Variants in DNAI4 observed in about 807,000 individuals in gnomAD.
The protein encoded by DNAI4 is WD repeat domain 78.
In DNAI4, 85 loss-of-function variants were observed where a neutral mutation model predicts 105.8. The observed-to-expected ratio is 0.80, with a 90% CI of 0.67 to 0.96. DNAI4 has a LOEUF of 0.96. Among genes scored for constraint, DNAI4 ranks in the 40% least tolerant of loss-of-function variants. The pLI is 0.00. For missense variants in DNAI4, 1,014 were observed against 1,005.6 expected, an observed-to-expected ratio of 1.01 and a Z score of -0.11; for synonymous variants, 352 against 331.5, an observed-to-expected ratio of 1.06 and a Z score of -0.67.
At chr1:66,885,808 T>TAATTTG (rs1189629305) in intron 4 of DNAI4, among the ~76,000 whole-genome samples, 1 of 152,224 alleles carries the variant, frequency 6.6e-6, no homozygotes, top group Non-Finnish European at 1.5e-5. Flanking sequence ...TTGTTGTCTG[T>TAATTTG]AATTTGAATA....
chr1:66,860,505 A>AT (rs1198903921), intron 7 of DNAI4, among the ~76,000 whole-genome samples: 3 of 151,320 alleles, frequency 2.0e-5, no homozygotes, highest in African/African-American at 7.3e-5. Context: ...ATTTTTTTCT[A>AT]TTTTTTAACT....
chr1:66,867,386 T>C (rs72671676), intron 6 of DNAI4, among the ~76,000 whole-genome samples: 2,142 of 152,330 alleles, frequency 0.014, 21 homozygotes, highest in Non-Finnish European at 0.021. Flanking sequence ...CTCCATTTTC[T>C]ATTTTAGGAA....
At chr1:66,839,958 C>A (rs1646113458) in intron 9 of DNAI4, among the ~76,000 whole-genome samples, 1 of 152,132 alleles carries the variant, frequency 6.6e-6, no homozygotes, top group African/African-American at 2.4e-5. Context: ...GGTTAAAACA[C>A]AATAGTGCCT....
intron 15 of DNAI4, among the ~76,000 whole-genome samples, chr1:66,826,486 T>C (rs1645756691): frequency 6.6e-6 from 1 of 152,074 alleles, no homozygotes; most frequent in Admixed American, 6.6e-5. Context: ...TTGGTAGAGA[T>C]GGGGTTTTGC....
intron 7 of DNAI4, among the ~76,000 whole-genome samples, chr1:66,854,882 C>T (rs1646468366): frequency 6.6e-6 from 1 of 152,142 alleles, no homozygotes; most frequent in Admixed American, 6.6e-5. Context: ...AATGGAGAGA[C>T]ATTCCATGTT....
chr1:66,826,031 T>A (rs1645745505), intron 15 of DNAI4, among the ~76,000 whole-genome samples: 1 of 152,226 alleles, frequency 6.6e-6, no homozygotes, highest in Non-Finnish European at 1.5e-5. Context: ...GACAATCCTC[T>A]AATAACTTTG....
chr1:66,901,093 A>AT (rs552247392), intron 2 of DNAI4, among the ~76,000 whole-genome samples: 59 of 152,224 alleles, frequency 3.9e-4, no homozygotes, highest in African/African-American at 1.4e-3. Context: ...AAGATGCTGG[A>AT]TTTTTTAAGA....
intron 2 of DNAI4, among the ~76,000 whole-genome samples, chr1:66,900,631 T>C (rs1648736540): frequency 6.6e-6 from 1 of 152,216 alleles, no homozygotes; most frequent in Non-Finnish European, 1.5e-5. Context: ...TTTTATTACA[T>C]TTATTCCTAA....
At chr1:66,920,242 C>T (rs184297563) in intron 1 of DNAI4, among the ~76,000 whole-genome samples, 72 of 152,232 alleles carry the variant, frequency 4.7e-4, no homozygotes, top group African/African-American at 1.3e-3. Flanking sequence ...TGGCTGGGGA[C>T]GGCTGAACTT....
At chr1:66,848,449 A>G (rs1022875440) in intron 7 of DNAI4, 1 of 356,128 alleles carries the variant, frequency 2.8e-6, no homozygotes, top group African/African-American at 2.2e-5. Context: ...TAGGTAACAC[A>G]TTCACAGGTT....
At chr1:66,845,009 C>T (rs898933704) in intron 8 of DNAI4, among the ~76,000 whole-genome samples, 1 of 151,714 alleles carries the variant, frequency 6.6e-6, no homozygotes, top group Admixed American at 6.6e-5. Context: ...GCCTGACCAA[C>T]ACGGTGAAAC....
intron 2 of DNAI4, among the ~76,000 whole-genome samples, chr1:66,896,418 CTT>C (rs906440379): frequency 6.6e-6 from 1 of 152,090 alleles, no homozygotes; most frequent in African/African-American, 2.4e-5. Context: ...ATTTTGGAAT[CTT>C]TTTACACTTC....
At chr1:66,900,609 A>AT (rs1163958196) in intron 2 of DNAI4, among the ~76,000 whole-genome samples, 7 of 152,056 alleles carry the variant, frequency 4.6e-5, no homozygotes, top group African/African-American at 1.7e-4. Context: ...CAGAGCATAC[A>AT]TTTTGCACTT....
chr1:66,905,060 A>G (rs1014686769), intron 2 of DNAI4, 141 bp downstream of exon 2: 15 of 614,080 alleles, frequency 2.4e-5, no homozygotes, highest in Admixed American at 3.5e-5. Flanking sequence ...GTATGGAATA[A>G]TATGTGGTAA....
At chr1:66,910,077 G>A (rs1188117541) in intron 1 of DNAI4, among the ~76,000 whole-genome samples, 1 of 152,140 alleles carries the variant, frequency 6.6e-6, no homozygotes, top group African/African-American at 2.4e-5. Flanking sequence ...GTTGGGCACA[G>A]TGACTTATGC....
chr1:66,818,647 G>A (rs945282517), intron 16 of DNAI4, among the ~76,000 whole-genome samples: 5 of 152,120 alleles, frequency 3.3e-5, no homozygotes, highest in African/African-American at 4.8e-5. Context: ...GGCCAGGTGC[G>A]GTGGCTCACG....
At chr1:66,919,887 A>C (rs1043263111) in intron 1 of DNAI4, among the ~76,000 whole-genome samples, 2 of 152,218 alleles carry the variant, frequency 1.3e-5, no homozygotes, top group African/African-American at 4.8e-5. Flanking sequence ...CCATTAAAAC[A>C]CTAAGAGCTA....
chr1:66,888,090 T>C (rs910871524), intron 4 of DNAI4, among the ~76,000 whole-genome samples: 1 of 152,208 alleles, frequency 6.6e-6, no homozygotes, highest in Non-Finnish European at 1.5e-5. Context: ...GCTTGAAATC[T>C]GCTGTGATGA....
chr1:66,836,136 AAAG>A (rs200752461), intron 10 of DNAI4, among the ~76,000 whole-genome samples: 54 of 143,610 alleles, frequency 3.8e-4, no homozygotes, highest in African/African-American at 1.3e-3. Flanking sequence ...AGAAAGAAAG[AAAG>A]AAAAGAAAGA....
Sources: allele counts gnomAD v4.1 joint callset (sites outside exome capture counted in the v4.1 genomes callset), GRCh38; gene constraint gnomAD v4.1.1; transcripts MANE v1.5; gene names NCBI Gene and HGNC (gene_info 2026-07-23, HGNC 2026-07-21).